Variants in KSR2 observed in about 807,000 individuals in gnomAD.
KSR2 encodes kinase suppressor of ras 2.
A neutral mutation model predicts 107.8 loss-of-function variants in KSR2; 25 were observed. The ratio of observed to expected loss-of-function variants is 0.23; its 90% CI spans 0.17 to 0.32. The LOEUF is 0.32. Among genes scored for constraint, KSR2 ranks in the 10% least tolerant of loss-of-function variants. KSR2 has a pLI of 1.00. For synonymous variants in KSR2, 480 were observed against 507.0 expected (o/e 0.95, Z 0.71); for missense variants, 887 against 1,268.9 (o/e 0.70, Z 4.57).
rs557958869 is a variant in KSR2 at position 117,731,320 on chromosome 12, C to G, written c.986+29691G>C. 8.4e-3 allele frequency among the ~76,000 whole-genome samples: 1,267 copies of G among 150,024 alleles called. 31 individuals carry two copies. Among genetic ancestry groups the G allele is most frequent in the African/African-American group, 0.03 (1,199 of 40,168 alleles). On this transcript the variant is annotated intron_variant, in intron 4 of 19. Transcript: ENST00000339824. The stretch of plus-strand genomic sequence containing the variant: ...GGAGCGTCTCCGCCCAGCAGCCGCC[C>G]CGTCTGAGAAGTGAGGAGCCCCCCC...
chr12:117,672,201 T>C (rs1250529098), intron 4 of KSR2, among the ~76,000 whole-genome samples: 2 of 152,186 alleles, frequency 1.3e-5, no homozygotes, highest in African/African-American at 4.8e-5. Flanking sequence ...ATGTTCAAGA[T>C]TCAAAGAAAC....
At chr12:117,817,236 G>A (rs1460096995) in intron 3 of KSR2, among the ~76,000 whole-genome samples, 2 of 152,138 alleles carry the variant, frequency 1.3e-5, no homozygotes, top group African/African-American at 4.8e-5. Flanking sequence ...AAAGTTTGCT[G>A]ACAAAGAGCA....
rs1309987763 is a variant in KSR2, at chr12:117,658,519, G to A, written c.1171+8955C>T. 2.0e-5 allele frequency among the ~76,000 whole-genome samples: 3 copies of A among 152,298 alleles called. No individual in the cohort carries two copies. In the East Asian group the frequency reaches 5.8e-4, roughly 29 times the overall value. ...TTGGTATTGTCTCTGGATGCTTTGT[G>A]TTACAATGGCAGAGTTGAGTAGTTG... On this transcript the variant is annotated intron_variant, in intron 5 of 19. Coordinates refer to ENST00000339824, the MANE Select transcript of KSR2 (RefSeq NM_173598.6).
At chr12:117,549,657 G>T (rs1408581625) in intron 9 of KSR2, among the ~76,000 whole-genome samples, 1 of 152,184 alleles carries the variant, frequency 6.6e-6, no homozygotes, top group Non-Finnish European at 1.5e-5. Context: ...TTGTATGGAA[G>T]AACAGGAGAG....
intron 1 of KSR2, among the ~76,000 whole-genome samples, chr12:117,896,404 G>A (rs1437701765): frequency 1.3e-5 from 2 of 152,076 alleles, no homozygotes; most frequent in East Asian, 3.8e-4. Flanking sequence ...GCTAATGTGA[G>A]GTTCCTCTCA....
At chr12:117,880,132 G>A (rs1893981308) in intron 1 of KSR2, among the ~76,000 whole-genome samples, 1 of 152,098 alleles carries the variant, frequency 6.6e-6, no homozygotes, top group Non-Finnish European at 1.5e-5. Flanking sequence ...GGCAACAAGA[G>A]CGAAATTCCA....
chr12:117,669,819 G>A (rs914931526), intron 4 of KSR2, among the ~76,000 whole-genome samples: 2 of 151,942 alleles, frequency 1.3e-5, no homozygotes, highest in African/African-American at 4.8e-5. Context: ...AGTGAGCTAC[G>A]GTTGTACCAC....
intron 5 of KSR2, among the ~76,000 whole-genome samples, chr12:117,651,234 G>A (rs1446273837): frequency 6.6e-6 from 1 of 152,208 alleles, no homozygotes; most frequent in East Asian, 1.9e-4. Context: ...TGAGGCAACA[G>A]TGATGGCCTC....
At chr12:117,647,352 C>T (rs1008898358) in intron 5 of KSR2, among the ~76,000 whole-genome samples, 4 of 152,118 alleles carry the variant, frequency 2.6e-5, no homozygotes, top group Non-Finnish European at 5.9e-5. Context: ...TTATCCCCGG[C>T]CAAGAAGAAT....
intron 14 of KSR2, among the ~76,000 whole-genome samples, chr12:117,518,150 C>T (rs1352019040): frequency 4.6e-5 from 7 of 152,250 alleles, no homozygotes; most frequent in East Asian, 1.9e-4. Flanking sequence ...ATTTCATGCA[C>T]GCGGGCAACA....
chr12:117,875,969 T>C (rs1028116274), intron 1 of KSR2, among the ~76,000 whole-genome samples: 1 of 152,142 alleles, frequency 6.6e-6, no homozygotes, highest in South Asian at 2.1e-4. Flanking sequence ...GCTCAATACA[T>C]TTTTCTTGGT....
At chr12:117,799,071 A>C (rs1276996366) in intron 3 of KSR2, among the ~76,000 whole-genome samples, 1 of 152,204 alleles carries the variant, frequency 6.6e-6, no homozygotes, top group African/African-American at 2.4e-5. Flanking sequence ...TGGGAAAAAG[A>C]GAAGAACAGG....
chr12:117,907,275 G>A lies in KSR2; in HGVS notation c.181-46844C>T, dbSNP rs1411775251. ...TGAGCCATTACACCAAACTGCCTTC[G>A]TTCTGGATGGGGGCGTCCTGACATG... On this transcript the variant is annotated intron_variant, in intron 1 of 19. Coordinates refer to ENST00000339824, the MANE Select transcript of KSR2 (RefSeq NM_173598.6). This position sits in a 1 kb window ranked among gnomAD's most constrained non-coding sequence, Gnocchi z 4.3. 2.6e-5 allele frequency among the ~76,000 whole-genome samples: 4 copies of A among 152,244 alleles called. No homozygotes were observed. The highest frequency in any genetic ancestry group is 6.5e-5 in the Admixed American group (1 of 15,286).
intron 5 of KSR2, among the ~76,000 whole-genome samples, chr12:117,663,989 T>C (rs1362457547): frequency 6.6e-6 from 1 of 152,224 alleles, no homozygotes; most frequent in Admixed American, 6.5e-5. Flanking sequence ...TCTATTTCTC[T>C]GGGAAGCAGG....
intron 1 of KSR2, among the ~76,000 whole-genome samples, chr12:117,947,108 C>T (rs1896201666): frequency 1.3e-5 from 2 of 151,160 alleles, no homozygotes; most frequent in Admixed American, 1.3e-4. Flanking sequence ...GTGGAGGTTG[C>T]AGTAAGCCCA....
At position 117,539,751 on chromosome 12, in the gene KSR2, C is replaced by T. The variant is rs1876336944; in HGVS notation, c.1655G>A (p.Cys552Tyr). ...GTTGAAGTTCTTCTGCTGCCGTGTG[C>T]ACTGTGGGGAAGGGTGTAGGGGAGA... ...PPSPLHPSPQCTRQQKNFNLP... is the reference protein window; with the variant it reads ...PPSPLHPSPQYTRQQKNFNLP... The change falls in exon 10 of 20, where the codon TGC (cysteine) becomes TAC (tyrosine). Residue 552 changes from cysteine (C) to tyrosine (Y), a missense_variant. Physicochemically the swap from Cys to Tyr is radical, Grantham distance 194. Transcript: ENST00000339824. 2 of 1,606,548 alleles carry T rather than the reference C, an allele frequency of 1.2e-6. No individual in the cohort carries two copies. The highest frequency in any genetic ancestry group is 8.5e-7 in the Non-Finnish European group (1 of 1,177,200).
chr12:117,858,053 C>G (rs1280242493), intron 2 of KSR2, among the ~76,000 whole-genome samples: 1 of 152,174 alleles, frequency 6.6e-6, no homozygotes, highest in Admixed American at 6.6e-5. Flanking sequence ...GCATGGTCAA[C>G]ATTTCTGATT....
intron 4 of KSR2, among the ~76,000 whole-genome samples, chr12:117,671,674 T>G (rs1776754965): frequency 6.6e-6 from 1 of 152,244 alleles, no homozygotes; most frequent in Non-Finnish European, 1.5e-5. Flanking sequence ...AGCTTAGTAC[T>G]AGTTGAATGA....
intron 4 of KSR2, among the ~76,000 whole-genome samples, chr12:117,686,135 A>G (rs903656338): frequency 1.3e-5 from 2 of 150,496 alleles, no homozygotes; most frequent in African/African-American, 2.5e-5. Flanking sequence ...TGCAGCCTCA[A>G]TCTCCAGGGT....
Sources: gnomAD v4.1 joint callset for allele counts (sites outside exome capture counted in the v4.1 genomes callset) on GRCh38, gnomAD v4.1.1 for gene constraint, Gnocchi (gnomAD v3.1) non-coding constraint, MANE v1.5 for transcripts, NCBI Gene and HGNC (gene_info 2026-07-23, HGNC 2026-07-21) for gene names.